LCLAT1: variants seen among roughly 807,000 people sequenced by gnomAD.
The protein encoded by LCLAT1 is 1-AGP acyltransferase 8.
LCLAT1 carries 11 observed loss-of-function variants against 30.7 expected under a neutral mutation model. That is an observed-to-expected ratio of 0.36 (90% confidence interval 0.23 to 0.59). The LOEUF is 0.59. Among genes scored for constraint, LCLAT1 ranks in the 20% least tolerant of loss-of-function variants. The probability of loss-of-function intolerance (pLI) is 0.77; values close to 1 mark genes in which losing one functional copy is unlikely to be tolerated. For missense variants in LCLAT1, 402 were observed against 458.6 expected (o/e 0.88, Z 1.13); for synonymous variants, 155 against 151.3 (o/e 1.02, Z -0.18).
chr2:30,583,551 C>T (rs1410057589), intron 5 of LCLAT1, among the ~76,000 whole-genome samples: 2 of 152,140 alleles, frequency 1.3e-5, no homozygotes, highest in African/African-American at 4.8e-5. Flanking sequence ...AATGCTGAAA[C>T]ATCATACTCT....
At chr2:30,615,519 G>C (rs1377172089) in intron 5 of LCLAT1, among the ~76,000 whole-genome samples, 1 of 152,122 alleles carries the variant, frequency 6.6e-6, no homozygotes, top group African/African-American at 2.4e-5. Flanking sequence ...ATGTTGAGCA[G>C]TACTAAGGAG....
intron 1 of LCLAT1, among the ~76,000 whole-genome samples, chr2:30,508,266 G>T (rs962476013): frequency 6.6e-6 from 1 of 152,014 alleles, no homozygotes; most frequent in African/African-American, 2.4e-5. Context: ...CTTTTGCTGT[G>T]CAAAAGTTTT....
At chr2:30,509,586 T>C (rs1466176044) in intron 1 of LCLAT1, among the ~76,000 whole-genome samples, 1 of 150,878 alleles carries the variant, frequency 6.6e-6, no homozygotes, top group East Asian at 2.0e-4. Flanking sequence ...TTTTTTTTTC[T>C]TTTTAAGGCA....
chr2:30,486,277 T>C (rs1012765423), intron 1 of LCLAT1, among the ~76,000 whole-genome samples: 6 of 152,320 alleles, frequency 3.9e-5, no homozygotes, highest in African/African-American at 1.4e-4. Flanking sequence ...AAGCATTAAA[T>C]TTTTATATTA....
intron 5 of LCLAT1, among the ~76,000 whole-genome samples, chr2:30,585,775 A>G (rs1666407548): frequency 6.6e-6 from 1 of 152,162 alleles, no homozygotes; most frequent in Admixed American, 6.6e-5. Context: ...TGGGTGGCAC[A>G]CAGTCAGCAG....
At position 30,554,000 on chromosome 2, in the gene LCLAT1, GA is replaced by G. The variant is rs543908295; in HGVS notation, c.365-8139del. ...AATTTGCATTGATGACAATCAAATG[GA>G]AAAAAACCCAAACCCCTTGCCAGGT... is the stretch of plus-strand genomic sequence containing the variant. On this transcript the variant is annotated intron_variant, in intron 3 of 5. Transcript: ENST00000379509. Among the ~76,000 whole-genome samples the G allele has an allele frequency of 7.0e-3, 1,057 of 152,050 alleles. 5 individuals carry two copies. The highest frequency in any genetic ancestry group is 0.034 in the Middle Eastern group (10 of 294).
At chr2:30,488,759 T>G (rs912842874) in intron 1 of LCLAT1, among the ~76,000 whole-genome samples, 14 of 152,336 alleles carry the variant, frequency 9.2e-5, no homozygotes, top group African/African-American at 2.9e-4. Flanking sequence ...TGCAGAGTTG[T>G]GTAACAAGTC....
At chr2:30,486,931 G>A (rs776208810) in intron 1 of LCLAT1, among the ~76,000 whole-genome samples, 20 of 152,114 alleles carry the variant, frequency 1.3e-4, no homozygotes, top group Non-Finnish European at 2.5e-4. Flanking sequence ...TATGTGTTTG[G>A]TGCTATTGGT....
At chr2:30,476,307 C>G (rs139451911) in intron 1 of LCLAT1, 1 of 445,238 alleles carries the variant, frequency 2.2e-6, no homozygotes, top group Non-Finnish European at 4.5e-6. Flanking sequence ...CAGGGTCACA[C>G]AGTAAGTGTT....
chr2:30,540,667 CT>C (rs563391404), intron 3 of LCLAT1, among the ~76,000 whole-genome samples: 1,669 of 142,612 alleles, frequency 0.012, 20 homozygotes, highest in African/African-American at 0.033. Context: ...CTTTTCCTTT[CT>C]TTTTTTTTTT....
chr2:30,509,219 A>G (rs189784205), intron 1 of LCLAT1, among the ~76,000 whole-genome samples: 412 of 152,212 alleles, frequency 2.7e-3, no homozygotes, highest in Non-Finnish European at 4.8e-3. Context: ...GCAAACAGGG[A>G]TAGTTTGACT....
chr2:30,452,502 C>T (rs983080418), intron 1 of LCLAT1, among the ~76,000 whole-genome samples: 7 of 152,072 alleles, frequency 4.6e-5, no homozygotes, highest in African/African-American at 2.4e-5. Flanking sequence ...GCCCCAAGCA[C>T]TCCACATATT....
At chr2:30,557,417 ATTTT>A (rs778342698) in intron 3 of LCLAT1, among the ~76,000 whole-genome samples, 1 of 140,760 alleles carries the variant, frequency 7.1e-6, no homozygotes, top group Non-Finnish European at 1.6e-5. Flanking sequence ...ATTCACATCA[ATTTT>A]TTTTTTTTTT....
At chr2:30,623,046 A>ATTTT (rs34283582) in intron 5 of LCLAT1, among the ~76,000 whole-genome samples, 3 of 83,236 alleles carry the variant, frequency 3.6e-5, no homozygotes, top group Non-Finnish European at 6.6e-5. Flanking sequence ...AATTCAAAGA[A>ATTTT]TTTTTTTTTT....
At chr2:30,459,350 C>T (rs1199083550) in intron 1 of LCLAT1, among the ~76,000 whole-genome samples, 1 of 152,170 alleles carries the variant, frequency 6.6e-6, no homozygotes, top group African/African-American at 2.4e-5. Flanking sequence ...ATATTGGGCT[C>T]TCACCTCAGT....
At chr2:30,526,159 A>G (rs1383556245) in intron 2 of LCLAT1, among the ~76,000 whole-genome samples, 4 of 151,592 alleles carry the variant, frequency 2.6e-5, no homozygotes, top group African/African-American at 9.7e-5. Context: ...TGGTTTTTAT[A>G]TTTTTTTAAC....
chr2:30,541,568 G>T (rs867214736), intron 3 of LCLAT1, among the ~76,000 whole-genome samples: 1 of 152,074 alleles, frequency 6.6e-6, no homozygotes, highest in Admixed American at 6.5e-5. Context: ...TTGTTATAGG[G>T]TCTGTTCCCA....
chr2:30,465,362 T>G (rs889797462), intron 1 of LCLAT1, among the ~76,000 whole-genome samples: 2 of 152,180 alleles, frequency 1.3e-5, no homozygotes, highest in African/African-American at 4.8e-5. Flanking sequence ...GATTCTCACC[T>G]GGAGCCTTTG....
At chr2:30,454,507 GTAGCCTGATCACAGC>G (rs1209269490) in intron 1 of LCLAT1, among the ~76,000 whole-genome samples, 1 of 152,098 alleles carries the variant, frequency 6.6e-6, no homozygotes, top group Admixed American at 6.6e-5. Flanking sequence ...CTGGATTGCA[GTAGCCTGATCACAGC>G]TCACTGTAAC....
Sources: allele counts gnomAD v4.1 joint callset (sites outside exome capture counted in the v4.1 genomes callset), GRCh38; gene constraint gnomAD v4.1.1; transcripts MANE v1.5; gene names NCBI Gene and HGNC (gene_info 2026-07-23, HGNC 2026-07-21).